Variants in ARHGEF28 observed in about 807,000 individuals in gnomAD.
ARHGEF28 encodes the protein Rho guanine nucleotide exchange factor 28.
Under a neutral mutation model 206.6 loss-of-function variants are expected in ARHGEF28, and 152 were observed. The ratio of observed to expected loss-of-function variants is 0.74; its 90% CI spans 0.64 to 0.84. The LOEUF (loss-of-function observed/expected upper bound fraction) is 0.84. ARHGEF28 is among the 40% of genes least tolerant of loss of function. The pLI, the probability that ARHGEF28 is intolerant of heterozygous loss-of-function variation, is 0.00. For missense variants in ARHGEF28, 2,028 were observed against 2,073.2 expected, an observed-to-expected ratio of 0.98 and a Z score of 0.42; for synonymous variants, 763 against 776.4, an observed-to-expected ratio of 0.98 and a Z score of 0.29.
At position 73,684,897 on chromosome 5, in the gene ARHGEF28, G is replaced by C. The variant is rs777883478; in HGVS notation, c.33+13G>C. On this transcript the variant is annotated intron_variant, in intron 2 of 35. Transcript: ENST00000513042. ...AGCACCTCTTTACGTAAGTTGCTAA[G>C]CACGGGGCTTCAGGTCCAAGGGGCC... The C allele has an allele frequency of 6.2e-7, 1 of 1,611,496 alleles. No individual in the cohort carries two copies. Among genetic ancestry groups the C allele is most frequent in the Non-Finnish European group, 8.5e-7 (1 of 1,178,606 alleles).
At chr5:73,841,714 A>G (rs1758000136) in intron 11 of ARHGEF28, among the ~76,000 whole-genome samples, 1 of 33,054 alleles carries the variant, frequency 3.0e-5, no homozygotes, top group South Asian at 1.2e-3. Context: ...AAAAAGAAGA[A>G]AAAAAAAAAA....
At chr5:73,939,516 G>C (rs1742455968) in intron 35 of ARHGEF28, among the ~76,000 whole-genome samples, 3 of 152,176 alleles carry the variant, frequency 2.0e-5, no homozygotes, top group Admixed American at 2.0e-4. Flanking sequence ...CCTGCCTTGA[G>C]GGTCCTCCTT....
chr5:73,781,673 G>A (rs543567102), intron 7 of ARHGEF28, among the ~76,000 whole-genome samples: 4 of 152,230 alleles, frequency 2.6e-5, no homozygotes, highest in Non-Finnish European at 5.9e-5. Context: ...AAACCCGGTG[G>A]TTGCAAAAAT....
intron 30 of ARHGEF28, chr5:73,900,376 A>C (rs1762193782): frequency 6.6e-6 from 1 of 152,224 alleles, no homozygotes; most frequent in Non-Finnish European, 1.5e-5. Flanking sequence ...TTCTAGTTTT[A>C]ATCAGTGCAA....
intron 33 of ARHGEF28, among the ~76,000 whole-genome samples, chr5:73,906,700 T>A (rs1762578298): frequency 6.6e-6 from 1 of 152,220 alleles, no homozygotes; most frequent in African/African-American, 2.4e-5. Context: ...AGCTTTGTAA[T>A]TGTCTTCATA....
intron 2 of ARHGEF28, among the ~76,000 whole-genome samples, chr5:73,737,380 G>C (rs932456941): frequency 2.7e-5 from 4 of 149,524 alleles, no homozygotes; most frequent in Non-Finnish European, 4.4e-5. Flanking sequence ...GCTTGCCCCC[G>C]TCATCACTCC....
chr5:73,657,255 C>G (rs902953065), intron 1 of ARHGEF28, among the ~76,000 whole-genome samples: 19 of 151,392 alleles, frequency 1.3e-4, no homozygotes, highest in Non-Finnish European at 2.4e-4. Flanking sequence ...CCATTTTTCA[C>G]CTTCTCTAGC....
At position 73,687,156 on chromosome 5, in the gene ARHGEF28, A is replaced by G. The variant is rs6863736; in HGVS notation, c.33+2272A>G. On this transcript the variant is annotated intron_variant, in intron 2 of 35. Transcript: ENST00000513042. ...TAATTGCTTTCAAAATGACTTCACC[A>G]TGATCTAGCATTATAAGGCAAAGTT... is the stretch of plus-strand genomic sequence containing the variant. 4.9e-3 allele frequency among the ~76,000 whole-genome samples: 753 copies of G among 152,284 alleles called. 5 individuals carry two copies. The highest frequency in any genetic ancestry group is 0.018 in the African/African-American group (734 of 41,570).
chr5:73,639,485 CTA>C (rs1244141828), intron 1 of ARHGEF28, among the ~76,000 whole-genome samples: 1 of 151,756 alleles, frequency 6.6e-6, no homozygotes, highest in African/African-American at 2.4e-5. Context: ...CACACCATAA[CTA>C]TAAATTTATA....
intron 10 of ARHGEF28, 54 bp from the exon 11 acceptor site, chr5:73,840,426 C>G: frequency 6.4e-7 from 1 of 1,555,322 alleles, no homozygotes; most frequent in Non-Finnish European, 8.7e-7. Context: ...TAATTCTTAG[C>G]TAGGCCAATC....
At chr5:73,780,048 G>C (rs1196293756) in intron 6 of ARHGEF28, among the ~76,000 whole-genome samples, 2 of 152,148 alleles carry the variant, frequency 1.3e-5, no homozygotes, top group African/African-American at 4.8e-5. Context: ...TTACTATTCA[G>C]CACATCAATG....
intron 7 of ARHGEF28, among the ~76,000 whole-genome samples, chr5:73,784,051 G>A (rs1175545729): frequency 1.3e-5 from 2 of 151,770 alleles, no homozygotes; most frequent in South Asian, 4.2e-4. Flanking sequence ...CATTCAATTA[G>A]TTTTTGTCCA....
At chr5:73,816,767 G>A (rs1379597583) in intron 9 of ARHGEF28, among the ~76,000 whole-genome samples, 2 of 152,230 alleles carry the variant, frequency 1.3e-5, no homozygotes, top group Non-Finnish European at 1.5e-5. Context: ...CCAGAGCGGA[G>A]CATGATGAAA....
At position 73,760,360 on chromosome 5, in the gene ARHGEF28, G is replaced by A. The variant is rs1752540107; in HGVS notation, c.475+7158G>A. Reference sequence around the variant, plus strand: ...CATTATGGGTAACAACTGATTCAGGGGTTTTGTATGTTTCTCTTGGAAATC... The same window carrying A: ...CATTATGGGTAACAACTGATTCAGGAGTTTTGTATGTTTCTCTTGGAAATC... On this transcript the variant is annotated intron_variant, in intron 4 of 35. Transcript: ENST00000513042. Among the ~76,000 whole-genome samples the A allele has an allele frequency of 2.0e-5, 3 of 151,980 alleles. 1 individual carries two copies. The South Asian group carries it at 6.2e-4, about 32-fold the overall frequency.
At chr5:73,801,501 G>GCAT (rs112137033) in intron 9 of ARHGEF28, among the ~76,000 whole-genome samples, 3,287 of 152,082 alleles carry the variant, frequency 0.022, 127 homozygotes, top group African/African-American at 0.074. Context: ...CTTAAGCATG[G>GCAT]CATCTTAGAA....
chr5:73,864,587 G>A (rs1229834520), intron 16 of ARHGEF28, among the ~76,000 whole-genome samples: 6 of 152,212 alleles, frequency 3.9e-5, no homozygotes, highest in African/African-American at 1.4e-4. Flanking sequence ...AAGATCCTGT[G>A]TATAAGGGGA....
intron 1 of ARHGEF28, among the ~76,000 whole-genome samples, chr5:73,646,907 CG>C (rs139736938): frequency 0.66 from 99,615 of 151,420 alleles, 33,858 homozygotes; most frequent in East Asian, 0.83. Context: ...TTTCTTGCCC[CG>C]CCATCACTAG....
At chr5:73,687,625 GA>G (rs1561333843) in intron 2 of ARHGEF28, among the ~76,000 whole-genome samples, 1 of 152,000 alleles carries the variant, frequency 6.6e-6, no homozygotes, top group African/African-American at 2.4e-5. Context: ...TTTTGGGGAA[GA>G]ACCTGCTCTC....
intron 9 of ARHGEF28, among the ~76,000 whole-genome samples, chr5:73,801,521 C>G (rs1372038601): frequency 1.3e-5 from 2 of 151,946 alleles, no homozygotes; most frequent in African/African-American, 2.4e-5. Context: ...AGCTGTGACC[C>G]CTGTGAGTGG....
Sources: gnomAD v4.1 joint callset for allele counts (sites outside exome capture counted in the v4.1 genomes callset) on GRCh38, gnomAD v4.1.1 for gene constraint, MANE v1.5 for transcripts, NCBI Gene and HGNC (gene_info 2026-07-23, HGNC 2026-07-21) for gene names.